The following MAP4K3 variants were observed in gnomAD, a reference collection of about 807,000 sequenced individuals.
The protein encoded by MAP4K3 is mitogen-activated protein kinase kinase kinase kinase 3.
In MAP4K3, 94 loss-of-function variants were observed where a neutral mutation model predicts 143.5. That is an observed-to-expected ratio of 0.65 (90% CI 0.55 to 0.78). MAP4K3 has a LOEUF of 0.78. Ranked by LOEUF, MAP4K3 falls within the 30% of genes least tolerant of loss-of-function variation. MAP4K3 has a pLI of 0.00. For missense variants in MAP4K3, 1,077 were observed against 1,068.1 expected (o/e 1.01, Z -0.12); for synonymous variants, 416 against 347.2 (o/e 1.20, Z -2.20).
intron 20 of MAP4K3, among the ~76,000 whole-genome samples, chr2:39,287,401 G>A (rs760454145): frequency 1.8e-4 from 28 of 151,652 alleles, no homozygotes; most frequent in Non-Finnish European, 7.4e-5. Flanking sequence ...TCAAGCAAGC[G>A]ATTCTCCTGC....
intron 3 of MAP4K3, among the ~76,000 whole-genome samples, chr2:39,348,625 A>G (rs1354088466): frequency 6.6e-6 from 1 of 152,182 alleles, no homozygotes; most frequent in Admixed American, 6.5e-5. Context: ...GTCCCTAGGT[A>G]TCTGAATTGA....
intron 1 of MAP4K3, among the ~76,000 whole-genome samples, chr2:39,426,837 T>G (rs1665103294): frequency 6.6e-6 from 1 of 151,680 alleles, no homozygotes; most frequent in Admixed American, 6.6e-5. Context: ...TCATGAGAAG[T>G]CATGGAGAAC....
chr2:39,337,392 A>C, intron 5 of MAP4K3, 134 bp downstream of exon 5: 1 of 555,620 alleles, frequency 1.8e-6, no homozygotes, highest in Non-Finnish European at 3.2e-6. Flanking sequence ...CACAATTTTC[A>C]AATGTATTAA....
intron 12 of MAP4K3, among the ~76,000 whole-genome samples, chr2:39,324,984 A>T (rs891288141): frequency 3.3e-5 from 5 of 151,772 alleles, no homozygotes; most frequent in African/African-American, 7.3e-5. Context: ...TTATATAAGA[A>T]TTTTTTTTTA....
chr2:39,417,748 C>T (rs577333098), intron 1 of MAP4K3, among the ~76,000 whole-genome samples: 15 of 152,172 alleles, frequency 9.9e-5, no homozygotes, highest in Non-Finnish European at 2.1e-4. Flanking sequence ...ATCAATGACA[C>T]GCCAACAGCA....
chr2:39,338,979 CACAA>C (rs1665062007), intron 4 of MAP4K3, among the ~76,000 whole-genome samples: 1 of 152,178 alleles, frequency 6.6e-6, no homozygotes, highest in East Asian at 1.9e-4. Flanking sequence ...GTTATAGCAG[CACAA>C]ACAGAGCATC....
chr2:39,345,854 G>A (rs924337078), intron 3 of MAP4K3, among the ~76,000 whole-genome samples: 2 of 148,304 alleles, frequency 1.3e-5, no homozygotes, highest in African/African-American at 2.5e-5. Flanking sequence ...CCCGGGAGGC[G>A]GAGCTTGCAG....
intron 12 of MAP4K3, among the ~76,000 whole-genome samples, chr2:39,324,023 T>C (rs1393017850): frequency 6.6e-6 from 1 of 152,210 alleles, no homozygotes; most frequent in East Asian, 1.9e-4. Flanking sequence ...CATACTACCA[T>C]GCACATCAAG....
At chr2:39,275,318 T>A (rs1558615589) in intron 24 of MAP4K3, among the ~76,000 whole-genome samples, 1 of 152,028 alleles carries the variant, frequency 6.6e-6, no homozygotes, top group Non-Finnish European at 1.5e-5. Flanking sequence ...AATCCCAGTC[T>A]CTACAAAATA....
intron 2 of MAP4K3, among the ~76,000 whole-genome samples, chr2:39,368,227 T>C (rs1057344351): frequency 3.3e-5 from 5 of 152,150 alleles, no homozygotes; most frequent in East Asian, 1.9e-4. Flanking sequence ...GTAAGTATTA[T>C]AGTAGACTCA....
intron 1 of MAP4K3, among the ~76,000 whole-genome samples, chr2:39,389,205 TA>T: frequency 6.6e-6 from 1 of 151,588 alleles, no homozygotes; most frequent in African/African-American, 2.4e-5. Flanking sequence ...TTTCTAGAAA[TA>T]AAAAACGAAA....
rs542601820 is a variant in MAP4K3 at position 39,365,656 on chromosome 2, G to A, written c.155-9317C>T. Among the ~76,000 whole-genome samples, 9 of 151,420 alleles carry A rather than the reference G, an allele frequency of 5.9e-5. No homozygotes were observed. The South Asian group carries it at 1.7e-3, about 28-fold the overall frequency. On this transcript the variant is annotated intron_variant, in intron 2 of 33. Transcript: ENST00000263881. ...AGACGGGGTTTCACCTTGTTAGCCA[G>A]GATGGTCTCGATCTCCTGACCTCAT...
intron 1 of MAP4K3, among the ~76,000 whole-genome samples, chr2:39,400,512 T>C (rs893601693): frequency 1.3e-5 from 2 of 152,150 alleles, no homozygotes; most frequent in Non-Finnish European, 2.9e-5. Context: ...GGTTTTATTG[T>C]TCCCCCCTCT....
chr2:39,261,713 A>AAATTATATATAG (rs1680575896), intron 28 of MAP4K3, among the ~76,000 whole-genome samples: 1 of 152,216 alleles, frequency 6.6e-6, no homozygotes, highest in African/African-American at 2.4e-5. Context: ...ACAAAATAAA[A>AAATTATATATAG]AATTATATAT....
intron 31 of MAP4K3, 28 bp downstream of exon 31, chr2:39,258,320 T>A: frequency 7.2e-7 from 1 of 1,396,816 alleles, no homozygotes; most frequent in Non-Finnish European, 1.0e-6. Context: ...GAGTTCATAA[T>A]GCAAAGAATT....
chr2:39,436,872 C>T lies in MAP4K3; in HGVS notation c.96+20G>A. On this transcript the variant is annotated intron_variant, in intron 1 of 33. Coordinates refer to ENST00000263881, the MANE Select transcript of MAP4K3 (RefSeq NM_003618.4). ...GGTCGGGATCCCACGGCCTCGGCGG[C>T]GCGCGGCCCCTGCCTTTACCTTGTA... is the stretch of plus-strand genomic sequence containing the variant. 5.1e-6 allele frequency: 8 copies of T among 1,580,246 alleles called. No individual in the cohort carries two copies. The highest frequency in any genetic ancestry group is 1.4e-5 in the African/African-American group (1 of 73,762).
At chr2:39,347,885 G>C (rs762535888) in intron 3 of MAP4K3, among the ~76,000 whole-genome samples, 16 of 151,936 alleles carry the variant, frequency 1.1e-4, no homozygotes, top group Non-Finnish European at 2.1e-4. Flanking sequence ...AGTGATCAAT[G>C]AGTGATATCA....
chr2:39,262,190 G>GT (rs1181422897), intron 28 of MAP4K3, among the ~76,000 whole-genome samples: 1 of 152,158 alleles, frequency 6.6e-6, no homozygotes, highest in African/African-American at 2.4e-5. Flanking sequence ...CTAAAGAAAA[G>GT]TAAAAGGTGC....
chr2:39,422,404 G>A (rs1667572337), intron 1 of MAP4K3, among the ~76,000 whole-genome samples: 1 of 152,098 alleles, frequency 6.6e-6, no homozygotes, highest in Non-Finnish European at 1.5e-5. Context: ...ACAGAGGAAA[G>A]ACCATGTATA....
Sources: gnomAD v4.1 joint callset for allele counts (sites outside exome capture counted in the v4.1 genomes callset) on GRCh38, gnomAD v4.1.1 for gene constraint, MANE v1.5 for transcripts, NCBI Gene and HGNC (gene_info 2026-07-23, HGNC 2026-07-21) for gene names.